Variants in GRIN2A observed in about 807,000 individuals in gnomAD.
GRIN2A encodes the protein glutamate ionotropic receptor NMDA type subunit 2A, also known as glutamate receptor ionotropic, NMDA 2A.
In GRIN2A, 22 loss-of-function variants were observed where a neutral mutation model predicts 113.4. The ratio of observed to expected loss-of-function variants is 0.19; its 90% CI spans 0.14 to 0.28. The LOEUF is 0.28. GRIN2A is among the 10% of genes least tolerant of loss of function. The pLI, the probability that GRIN2A is intolerant of heterozygous loss-of-function variation, is 1.00. For synonymous variants in GRIN2A, 827 were observed against 738.4 expected (o/e 1.12, Z -1.94); for missense variants, 1,502 against 1,887.0 (o/e 0.80, Z 3.78).
intron 2 of GRIN2A, among the ~76,000 whole-genome samples, chr16:10,131,776 C>T (rs894665270): frequency 7.2e-5 from 11 of 152,166 alleles, no homozygotes; most frequent in African/African-American, 2.7e-4. Context: ...CACACTTGTG[C>T]CCCTGACCCA....
intron 2 of GRIN2A, among the ~76,000 whole-genome samples, chr16:10,175,230 C>A (rs969334793): frequency 1.3e-5 from 2 of 152,156 alleles, no homozygotes; most frequent in Non-Finnish European, 2.9e-5. Flanking sequence ...TTTCTCAGAA[C>A]GTGTCCCACC....
intron 2 of GRIN2A, among the ~76,000 whole-genome samples, chr16:10,041,527 ATC>A (rs1159218487): frequency 6.6e-6 from 1 of 152,108 alleles, no homozygotes; most frequent in African/African-American, 2.4e-5. Context: ...AAACACAAGT[ATC>A]TCTTAGGTAA....
chr16:9,836,366 T>C (rs2042584046), intron 7 of GRIN2A, among the ~76,000 whole-genome samples: 1 of 152,214 alleles, frequency 6.6e-6, no homozygotes, highest in Non-Finnish European at 1.5e-5. Context: ...AGCACATTTA[T>C]TAATCTGGTA....
intron 12 of GRIN2A, 92 bp downstream of exon 12, chr16:9,768,759 G>A (rs750721996): frequency 6.1e-5 from 52 of 852,142 alleles, no homozygotes; most frequent in South Asian, 2.4e-4. Context: ...CTGGTAAGGG[G>A]AGGAAGTGCA....
rs376486707 is a variant in GRIN2A at position 10,168,558 on chromosome 16, T to C, written c.414+11440A>G. 1.3e-3 allele frequency among the ~76,000 whole-genome samples: 203 copies of C among 152,354 alleles called. 1 individual carries two copies. The highest frequency in any genetic ancestry group is 4.7e-3 in the African/African-American group (194 of 41,590). On this transcript the variant is annotated intron_variant, in intron 2 of 12. Transcript: ENST00000330684. The stretch of plus-strand genomic sequence containing the variant: ...TTCCTGAGGGACAGACAGTCACTGT[T>C]AGCTCAATCATATCCTGATATAGCC...
At chr16:10,094,883 CA>C (rs58041208) in intron 2 of GRIN2A, among the ~76,000 whole-genome samples, 3,360 of 117,234 alleles carry the variant, frequency 0.029, 49 homozygotes, top group African/African-American at 0.054. Context: ...GAATGTGCAC[CA>C]AAAAAAAAAA....
At chr16:9,827,788 A>T (rs74429824) in intron 9 of GRIN2A, among the ~76,000 whole-genome samples, 143 of 152,290 alleles carry the variant, frequency 9.4e-4, no homozygotes, top group African/African-American at 3.4e-3. Context: ...TATACCATGC[A>T]TGTATTCATT....
intron 2 of GRIN2A, among the ~76,000 whole-genome samples, chr16:10,103,227 T>A (rs1269908096): frequency 6.6e-6 from 1 of 152,124 alleles, no homozygotes; most frequent in Non-Finnish European, 1.5e-5. Context: ...CATCTAGTCA[T>A]GAGAAAGCTG....
chr16:9,798,592 T>C (rs1903151426), intron 10 of GRIN2A, 128 bp from the exon 11 acceptor site: 3 of 655,998 alleles, frequency 4.6e-6, no homozygotes, highest in Non-Finnish European at 8.1e-6. Flanking sequence ...TCATGGCCTC[T>C]CCATCCCCTC....
At chr16:9,829,391 C>A in intron 9 of GRIN2A, 32 bp downstream of exon 9, 1 of 1,437,442 alleles carries the variant, frequency 7.0e-7, no homozygotes, top group East Asian at 2.3e-5. Flanking sequence ...AAGACCAACC[C>A]TCAGATGGAG....
At chr16:10,170,266 C>T (rs1461088238) in intron 2 of GRIN2A, among the ~76,000 whole-genome samples, 1 of 152,200 alleles carries the variant, frequency 6.6e-6, no homozygotes, top group Non-Finnish European at 1.5e-5. Context: ...GAGGCAGCCA[C>T]ATTATGACTA....
At chr16:9,851,602 C>G (rs1469804511) in intron 4 of GRIN2A, among the ~76,000 whole-genome samples, 1 of 152,160 alleles carries the variant, frequency 6.6e-6, no homozygotes, top group Non-Finnish European at 1.5e-5. Flanking sequence ...TATACCAATC[C>G]CTTTTCTTTC....
chr16:10,078,754 A>G (rs987360746), intron 2 of GRIN2A, among the ~76,000 whole-genome samples: 4 of 152,176 alleles, frequency 2.6e-5, no homozygotes, highest in Non-Finnish European at 5.9e-5. Context: ...AAGAGAGGTG[A>G]GAAGCTGCTG....
intron 2 of GRIN2A, among the ~76,000 whole-genome samples, chr16:10,098,491 G>C (rs1280813206): frequency 1.3e-5 from 2 of 152,182 alleles, no homozygotes; most frequent in African/African-American, 4.8e-5. Flanking sequence ...ATACCAAAAA[G>C]ACATTTGCAC....
rs547216901 is a variant in GRIN2A at position 9,978,329 on chromosome 16, G to A, written c.415-39778C>T. 3.3e-3 allele frequency among the ~76,000 whole-genome samples: 503 copies of A among 152,244 alleles called. 2 individuals are homozygous for A. Among genetic ancestry groups the A allele is most frequent in the Non-Finnish European group, 5.1e-3 (347 of 68,018 alleles). On this transcript the variant is annotated intron_variant, in intron 2 of 12. Coordinates refer to ENST00000330684, the MANE Select transcript of GRIN2A (RefSeq NM_001134407.3). ...CCTCTTCCTATCTGTGTGAACTTGG[G>A]CAAGTCTTTTCACCTTGCTTACCCT... is the stretch of plus-strand genomic sequence containing the variant.
intron 2 of GRIN2A, among the ~76,000 whole-genome samples, chr16:10,108,496 C>A (rs559781926): frequency 6.6e-6 from 1 of 152,204 alleles, no homozygotes; most frequent in Non-Finnish European, 1.5e-5. Flanking sequence ...AAGAATCACA[C>A]AGCTGACAGG....
chr16:10,070,889 G>C (rs2142030025), intron 2 of GRIN2A, among the ~76,000 whole-genome samples: 1 of 152,284 alleles, frequency 6.6e-6, no homozygotes, highest in East Asian at 1.9e-4. Context: ...TGCCCTCTAA[G>C]AAGCCTACTT....
At chr16:9,881,945 T>G (rs945119637) in intron 4 of GRIN2A, among the ~76,000 whole-genome samples, 1 of 152,204 alleles carries the variant, frequency 6.6e-6, no homozygotes, top group Non-Finnish European at 1.5e-5. Flanking sequence ...TACACAATCT[T>G]CACTGGGATG....
chr16:9,834,880 T>G (rs1337545496), intron 7 of GRIN2A, among the ~76,000 whole-genome samples: 1 of 152,176 alleles, frequency 6.6e-6, no homozygotes, highest in East Asian at 1.9e-4. Context: ...CATAGTTTCC[T>G]TTGTAATTAT....
Sources: allele counts gnomAD v4.1 joint callset (sites outside exome capture counted in the v4.1 genomes callset), GRCh38; gene constraint gnomAD v4.1.1; transcripts MANE v1.5; gene names NCBI Gene and HGNC (gene_info 2026-07-23, HGNC 2026-07-21).